Variants in GALNT13 observed in about 807,000 individuals in gnomAD.
The protein encoded by GALNT13 is UDP-GalNAc:polypeptide N-acetylgalactosaminyltransferase 13.
Under a neutral mutation model 64.2 loss-of-function variants are expected in GALNT13, and 28 were observed. The observed-to-expected ratio is 0.44, with a 90% confidence interval of 0.32 to 0.60. The LOEUF is 0.60. Among genes scored for constraint, GALNT13 ranks in the 20% least tolerant of loss-of-function variants. The probability of loss-of-function intolerance (pLI) is 0.05; values close to 1 mark genes in which losing one functional copy is unlikely to be tolerated. For missense variants in GALNT13, 577 were observed against 669.8 expected, an observed-to-expected ratio of 0.86 and a Z score of 1.53; for synonymous variants, 214 against 224.6, an observed-to-expected ratio of 0.95 and a Z score of 0.42.
At chr2:153,491,858 T>C in the GALNT13 span, among the ~76,000 whole-genome samples, 1 of 152,080 alleles carries the variant, frequency 6.6e-6, no homozygotes. Context: ...CCTCAAGTGA[T>C]CTGCCTGCCT....
chr2:153,260,847 G>C, the GALNT13 span, among the ~76,000 whole-genome samples: 1 of 151,902 alleles, frequency 6.6e-6, no homozygotes, highest in East Asian at 1.9e-4. Flanking sequence ...CCCTTTTGAG[G>C]CTATTTTCTA....
chr2:153,211,937 C>A, the GALNT13 span, among the ~76,000 whole-genome samples: 1 of 152,100 alleles, frequency 6.6e-6, no homozygotes, highest in Non-Finnish European at 1.5e-5. Context: ...AGGTAGCATG[C>A]TCAAAAACAT....
At chr2:153,577,728 T>C in the GALNT13 span, among the ~76,000 whole-genome samples, 6 of 151,900 alleles carry the variant, frequency 3.9e-5, no homozygotes, top group Non-Finnish European at 8.8e-5. Flanking sequence ...GCAAAATATT[T>C]CTTTCACAAA....
chr2:153,717,043 G>A, the GALNT13 span, among the ~76,000 whole-genome samples: 6 of 152,072 alleles, frequency 3.9e-5, no homozygotes, highest in Non-Finnish European at 5.9e-5. Flanking sequence ...ATAGCAGGAA[G>A]GATTAAGGCA....
the GALNT13 span, among the ~76,000 whole-genome samples, chr2:153,686,741 A>G: frequency 6.6e-6 from 1 of 152,028 alleles, no homozygotes; most frequent in Non-Finnish European, 1.5e-5. Context: ...GACTGCTTCC[A>G]GCTTTTGCCC....
chr2:153,690,084 T>C, the GALNT13 span, among the ~76,000 whole-genome samples: 3 of 152,134 alleles, frequency 2.0e-5, no homozygotes, highest in Non-Finnish European at 4.4e-5. Context: ...AAGCTATCTA[T>C]TGAATCTTTT....
the GALNT13 span, among the ~76,000 whole-genome samples, chr2:153,345,649 TTCTTTCTTTCTTTC>T: frequency 7.7e-6 from 1 of 130,124 alleles, no homozygotes; most frequent in African/African-American, 3.0e-5. Flanking sequence ...CTTTCTTTCT[TTCTTTCTTTCTTTC>T]TTTCTTTCTT....
At chr2:153,908,367 T>C (rs918844495) in intron 2 of GALNT13, among the ~76,000 whole-genome samples, 4 of 152,146 alleles carry the variant, frequency 2.6e-5, no homozygotes, top group Non-Finnish European at 4.4e-5. Context: ...GATAGTTTCT[T>C]TTTCTGCACA....
chr2:153,264,594 A>C, the GALNT13 span, among the ~76,000 whole-genome samples: 1 of 152,242 alleles, frequency 6.6e-6, no homozygotes, highest in African/African-American at 2.4e-5. Flanking sequence ...GAATCATGGA[A>C]TACTATTCAG....
the GALNT13 span, among the ~76,000 whole-genome samples, chr2:153,521,460 A>G: frequency 6.6e-6 from 1 of 152,250 alleles, no homozygotes; most frequent in Non-Finnish European, 1.5e-5. Flanking sequence ...CCTTCCGTCT[A>G]CACATGCACA....
chr2:153,882,008 G>C (rs557110483), intron 1 of GALNT13, among the ~76,000 whole-genome samples: 3 of 151,742 alleles, frequency 2.0e-5, no homozygotes, highest in African/African-American at 7.3e-5. Flanking sequence ...TAGCTTCTTC[G>C]TTTTCAATAG....
chr2:153,207,224 T>C, the GALNT13 span, among the ~76,000 whole-genome samples: 1 of 152,142 alleles, frequency 6.6e-6, no homozygotes, highest in Non-Finnish European at 1.5e-5. Context: ...CTCTAGAGCT[T>C]TCTGCAATCT....
the GALNT13 span, among the ~76,000 whole-genome samples, chr2:153,840,142 T>G: frequency 6.6e-6 from 1 of 152,142 alleles, no homozygotes; most frequent in African/African-American, 2.4e-5. Context: ...TGAAGAACTT[T>G]GTTTACAAAT....
chr2:154,022,633 G>T (rs1020197879), intron 3 of GALNT13, among the ~76,000 whole-genome samples: 16 of 151,676 alleles, frequency 1.1e-4, no homozygotes, highest in East Asian at 3.9e-4. Flanking sequence ...TTGTTGATCT[G>T]TTCAAAAAAC....
At chr2:154,341,513 T>C (rs1255644903) in intron 9 of GALNT13, among the ~76,000 whole-genome samples, 2 of 152,054 alleles carry the variant, frequency 1.3e-5, no homozygotes, top group Non-Finnish European at 1.5e-5. Context: ...AAAGATAGTA[T>C]ATTCCAGACA....
At chr2:154,223,442 C>A (rs893316141) in intron 4 of GALNT13, among the ~76,000 whole-genome samples, 3 of 134,580 alleles carry the variant, frequency 2.2e-5, no homozygotes, top group Admixed American at 7.5e-5. Flanking sequence ...TTTCTTTTTT[C>A]TTTTTCTTTT....
At chr2:153,898,062 G>A (rs1687994824) in intron 1 of GALNT13, among the ~76,000 whole-genome samples, 1 of 152,020 alleles carries the variant, frequency 6.6e-6, no homozygotes, top group Non-Finnish European at 1.5e-5. Flanking sequence ...TCATGTCACT[G>A]TTAGGAATTC....
At chr2:153,731,787 G>A in the GALNT13 span, among the ~76,000 whole-genome samples, 1 of 151,846 alleles carries the variant, frequency 6.6e-6, no homozygotes, top group African/African-American at 2.4e-5. Context: ...GCAGTGCAGA[G>A]CTGCTATAAA....
At chr2:154,193,492 T>A (rs1686710592) in intron 4 of GALNT13, among the ~76,000 whole-genome samples, 1 of 152,170 alleles carries the variant, frequency 6.6e-6, no homozygotes, top group South Asian at 2.1e-4. Flanking sequence ...TGACGAAACA[T>A]CACTTGAATG....
Sources: gnomAD v4.1 joint callset for allele counts (sites outside exome capture counted in the v4.1 genomes callset) on GRCh38, gnomAD v4.1.1 for gene constraint, MANE v1.5 for transcripts, NCBI Gene and HGNC (gene_info 2026-07-23, HGNC 2026-07-21) for gene names.